RBBP8: variants seen among roughly 807,000 people sequenced by gnomAD.
The protein encoded by RBBP8 is DNA endonuclease RBBP8.
In RBBP8, 88 loss-of-function variants were observed where a neutral mutation model predicts 108.3. That is an observed-to-expected ratio of 0.81 (90% CI 0.68 to 0.97). The LOEUF is 0.97. RBBP8 is among the 50% of genes least tolerant of loss of function. RBBP8 has a pLI of 0.00. For missense variants in RBBP8, 1,023 were observed against 1,049.0 expected (o/e 0.98, Z 0.34); for synonymous variants, 332 against 348.2 (o/e 0.95, Z 0.52).
At chr18:22,946,315 G>T in intron 2 of RBBP8, 129 bp from the exon 3 acceptor site, 1 of 1,243,134 alleles carries the variant, frequency 8.0e-7, no homozygotes, top group Non-Finnish European at 1.1e-6. Flanking sequence ...TACACGTAAG[G>T]GGCATATACT....
Position 23,007,849 on chromosome 18 carries a change from G to C in RBBP8, c.2357+1417G>C, listed in dbSNP as rs192947800. The stretch of plus-strand genomic sequence containing the variant: ...TTTTTTGAAATGGAGTTTCGCTCTG[G>C]TTGCCCAGGCTGGAGTGCAATGGCA... On this transcript the variant is annotated intron_variant, in intron 16 of 18. Coordinates refer to ENST00000327155, the MANE Select transcript of RBBP8 (RefSeq NM_002894.3). 2.5e-3 allele frequency among the ~76,000 whole-genome samples: 379 copies of C among 150,758 alleles called. 2 individuals carry two copies. The highest frequency in any genetic ancestry group is 0.017 in the Middle Eastern group (5 of 286).
intron 3 of RBBP8, among the ~76,000 whole-genome samples, chr18:22,947,379 C>A (rs868068640): frequency 2.6e-5 from 4 of 151,822 alleles, no homozygotes; most frequent in South Asian, 2.1e-4. Flanking sequence ...ACCCCAGCCC[C>A]CATATATGAC....
intron 4 of RBBP8, among the ~76,000 whole-genome samples, chr18:22,963,815 G>C (rs1913327146): frequency 1.3e-5 from 2 of 152,046 alleles, no homozygotes; most frequent in Non-Finnish European, 2.9e-5. Context: ...CCCATCACTT[G>C]GTTTCAGCAG....
chr18:22,997,326 A>G (rs1456342630), intron 13 of RBBP8, among the ~76,000 whole-genome samples: 1 of 152,220 alleles, frequency 6.6e-6, no homozygotes, highest in African/African-American at 2.4e-5. Context: ...TATAAGGCAA[A>G]TTGGAAAATA....
exon 1 of RBBP8, chr18:22,914,301 C>T (rs1399239535): frequency 2.6e-5 from 4 of 151,886 alleles, no homozygotes; most frequent in Admixed American, 1.3e-4. Flanking sequence ...CTAAATAAGT[C>T]GAAGGGTAAG....
intron 6 of RBBP8, among the ~76,000 whole-genome samples, chr18:22,975,854 A>G (rs1914458805): frequency 6.6e-6 from 1 of 152,106 alleles, no homozygotes; most frequent in African/African-American, 2.4e-5. Context: ...ATTTTTTCTG[A>G]AAAGCCTCTT....
chr18:22,993,814 A>T lies in RBBP8; in HGVS notation c.1906A>T (p.Thr636Ser), dbSNP rs2045794681. 6.2e-7 allele frequency: 1 copy of T among 1,613,580 alleles called. No individual in the cohort carries two copies. The highest frequency in any genetic ancestry group is 8.5e-7 in the Non-Finnish European group (1 of 1,179,666). ...ASVLQLNPCR[T>S]GKIKSLQNNQ... ...AGTTCTTCAGTTAAATCCATGTAGA[A>T]CTGGTAAAATAAAGTCTCTACAAAA... Residue 636 changes from threonine to serine, a missense_variant, in exon 12 of 19, where the codon ACT (threonine) becomes TCT (serine). Transcript: ENST00000327155.
chr18:22,984,355 T>C (rs1915171169), intron 7 of RBBP8, among the ~76,000 whole-genome samples: 1 of 152,128 alleles, frequency 6.6e-6, no homozygotes, highest in Admixed American at 6.5e-5. Flanking sequence ...ATAAATGATA[T>C]AGTATACATT....
At chr18:22,967,116 C>T (rs1309592329) in intron 4 of RBBP8, among the ~76,000 whole-genome samples, 2 of 152,100 alleles carry the variant, frequency 1.3e-5, no homozygotes, top group Non-Finnish European at 2.9e-5. Context: ...CCTGTAATCC[C>T]AGCACTTTGG....
Position 23,026,452 on chromosome 18 carries a change from A to C in RBBP8, c.*212A>C, listed in dbSNP as rs2046453119. 2.0e-6 allele frequency: 1 copy of C among 504,240 alleles called. No homozygotes were observed. The highest frequency in any genetic ancestry group is 2.1e-5 in the South Asian group (1 of 47,678). The allele number at this position is 504,240 out of a possible 1,614,324, so 31.2% of individuals were successfully genotyped here. On this transcript the variant is annotated 3_prime_UTR_variant, in exon 19 of 19. Transcript: ENST00000327155. ...ACTCTAACTTAAGAGTTTTTACTTT[A>C]TGTAGTGATACCTAATACAATTTTG... is the stretch of plus-strand genomic sequence containing the variant.
At chr18:22,977,417 G>C (rs1275587318) in intron 6 of RBBP8, among the ~76,000 whole-genome samples, 1 of 151,914 alleles carries the variant, frequency 6.6e-6, no homozygotes, top group Admixed American at 6.6e-5. Flanking sequence ...ATATGATAGG[G>C]CAGTTATTAG....
chr18:23,007,699 G>GA (rs367964120), intron 16 of RBBP8, among the ~76,000 whole-genome samples: 62,024 of 112,310 alleles, frequency 0.55, 17,533 homozygotes, highest in Middle Eastern at 0.72. Flanking sequence ...CTCCGTCTCA[G>GA]AAAAAAAAAA....
intron 16 of RBBP8, among the ~76,000 whole-genome samples, chr18:23,008,015 T>C (rs1438809450): frequency 6.6e-6 from 1 of 152,014 alleles, no homozygotes; most frequent in African/African-American, 2.4e-5. Context: ...GGTTTCACCA[T>C]GTTAGCCAAT....
At chr18:22,984,335 G>T (rs1172096033) in intron 7 of RBBP8, among the ~76,000 whole-genome samples, 1 of 152,096 alleles carries the variant, frequency 6.6e-6, no homozygotes, top group Non-Finnish European at 1.5e-5. Flanking sequence ...CTAAAACAAA[G>T]ATCATGGAGA....
rs1430902024 is a variant in RBBP8 at position 22,947,019 on chromosome 18, G to C, written c.152+533G>C. Among the ~76,000 whole-genome samples, 6 of 151,982 alleles carry C rather than the reference G, an allele frequency of 3.9e-5. No homozygotes were observed. In the South Asian group the frequency reaches 8.3e-4, roughly 21 times the overall value. On this transcript the variant is annotated intron_variant, in intron 3 of 18. Coordinates refer to ENST00000327155, the MANE Select transcript of RBBP8 (RefSeq NM_002894.3). The stretch of plus-strand genomic sequence containing the variant: ...ATCAGATCTGATTTTTTAAGTTCGG[G>C]AACATATTTTACTCATGATTCTCTA...
upstream of RBBP8, among the ~76,000 whole-genome samples, chr18:22,930,781 T>C (rs1212768623): frequency 6.6e-6 from 1 of 152,190 alleles, no homozygotes; most frequent in Non-Finnish European, 1.5e-5. Context: ...TTTATTTTTT[T>C]AATTTTAAGA....
At chr18:22,972,909 T>C (rs1250084837) in intron 5 of RBBP8, among the ~76,000 whole-genome samples, 1 of 152,192 alleles carries the variant, frequency 6.6e-6, no homozygotes, top group Non-Finnish European at 1.5e-5. Flanking sequence ...GGGACCCTAC[T>C]CTAATGACTG....
Position 22,997,646 on chromosome 18 carries a change from A to G in RBBP8, c.2055A>G (p.Gly685=), listed in dbSNP as rs773572628. The G allele has an allele frequency of 4.7e-5, 75 of 1,608,282 alleles. No individual in the cohort carries two copies. In the East Asian group the frequency reaches 1.4e-3, roughly 30 times the overall value. The change falls in exon 14 of 19, where the codon GGA becomes GGG. Residue 685 remains glycine, a synonymous_variant. Transcript: ENST00000327155. ...ATGGCAGTCAGTCAAAATTAGGAGG[A>G]GAGACAGTGGACATGGACTGTACAT... ...TKDGSQSKLG[G]ETVDMDCTLV...
At chr18:23,001,526 A>G in intron 14 of RBBP8, 60 bp from the exon 15 acceptor site, 1 of 1,589,174 alleles carries the variant, frequency 6.3e-7, no homozygotes. Flanking sequence ...CAGTTTCATG[A>G]TGGTCTACAT....
Sources: allele counts gnomAD v4.1 joint callset (sites outside exome capture counted in the v4.1 genomes callset), GRCh38; gene constraint gnomAD v4.1.1; transcripts MANE v1.5; gene names NCBI Gene and HGNC (gene_info 2026-07-23, HGNC 2026-07-21).